SGCZ: variants seen among roughly 807,000 people sequenced by gnomAD.
The protein encoded by SGCZ is sarcoglycan zeta, also known as zeta-sarcoglycan.
SGCZ carries 40 observed loss-of-function variants against 41.3 expected under a neutral mutation model. The observed-to-expected ratio is 0.97, with a 90% CI of 0.75 to 1.26. The LOEUF (loss-of-function observed/expected upper bound fraction) is 1.26, where lower values mean the gene tolerates loss of function less well. Among genes scored for constraint, SGCZ ranks in the 50% most tolerant of loss-of-function variants. The probability of loss-of-function intolerance (pLI) is 0.00; values close to 1 mark genes in which losing one functional copy is unlikely to be tolerated. For missense variants in SGCZ, 552 were observed against 369.8 expected, an observed-to-expected ratio of 1.49 and a Z score of -4.04; for synonymous variants, 206 against 137.5, an observed-to-expected ratio of 1.50 and a Z score of -3.49.
chr8:14,862,069 C>A (rs1393480223), intron 1 of SGCZ, among the ~76,000 whole-genome samples: 2 of 151,970 alleles, frequency 1.3e-5, no homozygotes, highest in Admixed American at 1.3e-4. Context: ...ACAAAATTTT[C>A]TTTTAGCAAA....
intron 1 of SGCZ, among the ~76,000 whole-genome samples, chr8:15,194,421 T>A (rs1413271037): frequency 6.6e-6 from 1 of 152,104 alleles, no homozygotes; most frequent in African/African-American, 2.4e-5. Context: ...TATTCCCCCA[T>A]ACACACATGC....
At chr8:14,634,033 AAAG>A (rs1330164177) in intron 1 of SGCZ, among the ~76,000 whole-genome samples, 1 of 151,938 alleles carries the variant, frequency 6.6e-6, no homozygotes, top group African/African-American at 2.4e-5. Flanking sequence ...AAATCTTGAC[AAAG>A]AAGACAGAAT....
At chr8:14,244,732 A>C (rs1799022804) in intron 3 of SGCZ, among the ~76,000 whole-genome samples, 1 of 151,976 alleles carries the variant, frequency 6.6e-6, no homozygotes, top group African/African-American at 2.4e-5. Context: ...TGAGCATGGA[A>C]TGTTCTTCCA....
At chr8:15,109,341 G>T (rs1246769023) in intron 1 of SGCZ, among the ~76,000 whole-genome samples, 1 of 152,018 alleles carries the variant, frequency 6.6e-6, no homozygotes, top group Non-Finnish European at 1.5e-5. Flanking sequence ...CATGTTTCTA[G>T]ATGTCACTCG....
intron 1 of SGCZ, among the ~76,000 whole-genome samples, chr8:14,991,581 T>C (rs940113070): frequency 1.4e-4 from 21 of 152,234 alleles, no homozygotes; most frequent in African/African-American, 4.8e-4. Flanking sequence ...GCCCAGTATG[T>C]CCATAGCAAA....
chr8:14,587,494 G>C (rs1024355306), intron 1 of SGCZ, among the ~76,000 whole-genome samples: 4 of 147,596 alleles, frequency 2.7e-5, no homozygotes, highest in African/African-American at 9.9e-5. Flanking sequence ...AACACAGGGA[G>C]ACCTGCCTCT....
intron 1 of SGCZ, among the ~76,000 whole-genome samples, chr8:14,722,087 T>C (rs988754557): frequency 1.3e-5 from 2 of 152,200 alleles, no homozygotes; most frequent in Admixed American, 1.3e-4. Context: ...CTCAACTCTG[T>C]TTGTCTTGCT....
intron 1 of SGCZ, among the ~76,000 whole-genome samples, chr8:14,806,687 T>C (rs1801541502): frequency 6.6e-6 from 1 of 152,086 alleles, no homozygotes; most frequent in South Asian, 2.1e-4. Context: ...TCTGAAACTA[T>C]TACAATCAAG....
chr8:14,796,264 T>C (rs899868358), intron 1 of SGCZ, among the ~76,000 whole-genome samples: 1 of 152,206 alleles, frequency 6.6e-6, no homozygotes, highest in African/African-American at 2.4e-5. Flanking sequence ...TCTTCCAGAA[T>C]GGCTGAACTA....
rs151099343 is a variant in SGCZ, at chr8:14,262,220, G to T, written c.337-24541C>A. Among the ~76,000 whole-genome samples, 23 of 152,168 alleles carry T rather than the reference G, an allele frequency of 1.5e-4. No individual in the cohort carries two copies. In the East Asian group the frequency reaches 4.1e-3, roughly 27 times the overall value. On this transcript the variant is annotated intron_variant, in intron 3 of 7. Coordinates refer to ENST00000382080, the MANE Select transcript of SGCZ (RefSeq NM_139167.4). ...AATTTAAAAACACATATATTAACAG[G>T]CTAAAAAGCAAGGACCTTACTGATA...
chr8:14,721,304 G>C (rs954605266), intron 1 of SGCZ, among the ~76,000 whole-genome samples: 1 of 152,116 alleles, frequency 6.6e-6, no homozygotes, highest in African/African-American at 2.4e-5. Context: ...TAGAACCAGA[G>C]ATTTATGTAT....
In SGCZ at chr8:15,154,347, G is replaced by A. The variant is rs1585619269; in HGVS notation, c.39+83238C>T. On this transcript the variant is annotated intron_variant, in intron 1 of 7. Coordinates refer to ENST00000382080, the MANE Select transcript of SGCZ (RefSeq NM_139167.4). Reference sequence around the variant, plus strand: ...CCTACATGAAATAAGCTGATCTCTGGAAAGGAGCAAAAATGGGACCACCCA... The same window carrying A: ...CCTACATGAAATAAGCTGATCTCTGAAAAGGAGCAAAAATGGGACCACCCA... Among the ~76,000 whole-genome samples, 7 of 152,280 alleles carry A rather than the reference G, an allele frequency of 4.6e-5. 1 individual carries two copies. The highest frequency in any genetic ancestry group is 4.6e-4 in the Admixed American group (7 of 15,296).
At chr8:14,253,425 T>C (rs1799355088) in intron 3 of SGCZ, among the ~76,000 whole-genome samples, 1 of 152,128 alleles carries the variant, frequency 6.6e-6, no homozygotes, top group Non-Finnish European at 1.5e-5. Flanking sequence ...GAAAAAGAGA[T>C]TTCAATTACA....
chr8:14,475,852 T>A (rs990133293), intron 2 of SGCZ, among the ~76,000 whole-genome samples: 21 of 152,180 alleles, frequency 1.4e-4, no homozygotes, highest in African/African-American at 5.1e-4. Context: ...TATTTTTTAC[T>A]TAAGACAGGG....
At chr8:14,180,783 C>G (rs1318981646) in intron 4 of SGCZ, among the ~76,000 whole-genome samples, 1 of 151,982 alleles carries the variant, frequency 6.6e-6, no homozygotes, top group African/African-American at 2.4e-5. Context: ...AGCAGGTGGC[C>G]AGACTGTGCT....
rs1320841943 is a variant in SGCZ, at chr8:15,203,507, G to A, written c.39+34078C>T. The stretch of plus-strand genomic sequence containing the variant: ...TTGATCTTGTAAATTTCACTATATG[G>A]CAAGTAGCACATTGATTCTTCATGC... On this transcript the variant is annotated intron_variant, in intron 1 of 7. Coordinates refer to ENST00000382080, the MANE Select transcript of SGCZ (RefSeq NM_139167.4). Among the ~76,000 whole-genome samples the A allele has an allele frequency of 5.3e-5, 8 of 152,222 alleles. 1 individual carries two copies. In the Middle Eastern group the frequency reaches 0.014, roughly 259 times the overall value.
intron 1 of SGCZ, among the ~76,000 whole-genome samples, chr8:14,949,056 T>A (rs1351201273): frequency 6.6e-6 from 1 of 152,088 alleles, no homozygotes; most frequent in East Asian, 1.9e-4. Flanking sequence ...CAAAGTACAT[T>A]CGGTACATTT....
chr8:14,785,968 G>A (rs1210002035), intron 1 of SGCZ, among the ~76,000 whole-genome samples: 1 of 145,988 alleles, frequency 6.8e-6, no homozygotes, highest in African/African-American at 2.7e-5. Flanking sequence ...TCCAAAAAAA[G>A]TGACTCACAA....
At chr8:14,586,976 C>A (rs555591646) in intron 1 of SGCZ, among the ~76,000 whole-genome samples, 61 of 151,640 alleles carry the variant, frequency 4.0e-4, no homozygotes, top group African/African-American at 1.4e-3. Flanking sequence ...CTAAAATATA[C>A]TCTTTGGAAA....
Sources: allele counts gnomAD v4.1 joint callset (sites outside exome capture counted in the v4.1 genomes callset), GRCh38; gene constraint gnomAD v4.1.1; transcripts MANE v1.5; gene names NCBI Gene and HGNC (gene_info 2026-07-23, HGNC 2026-07-21).